CSNK2A2IP: variants seen among roughly 807,000 people sequenced by gnomAD.
CSNK2A2IP encodes casein kinase 2 subunit alpha' interacting protein.
chr3:88,441,147 A>G, the CSNK2A2IP span, among the ~76,000 whole-genome samples: 1 of 152,210 alleles, frequency 6.6e-6, no homozygotes, highest in Admixed American at 6.5e-5. Context: ...AGTAACTCCT[A>G]TTAACTAATC....
the CSNK2A2IP span, among the ~76,000 whole-genome samples, chr3:88,405,391 T>C: frequency 8.5e-5 from 13 of 152,156 alleles, no homozygotes; most frequent in Non-Finnish European, 1.6e-4. Flanking sequence ...GGATGTTTGC[T>C]ACAGGAGATC....
chr3:88,377,343 C>A, the CSNK2A2IP span, among the ~76,000 whole-genome samples: 74 of 151,826 alleles, frequency 4.9e-4, no homozygotes, highest in African/African-American at 1.7e-3. Context: ...TCTATCTTTT[C>A]TTTATTTTCA....
At chr3:88,454,723 T>A in the CSNK2A2IP span, among the ~76,000 whole-genome samples, 6 of 152,102 alleles carry the variant, frequency 3.9e-5, no homozygotes, top group Non-Finnish European at 5.9e-5. Context: ...GTATACATTG[T>A]GAAGTAATTA....
At chr3:88,355,414 T>A in the CSNK2A2IP span, among the ~76,000 whole-genome samples, 1 of 152,050 alleles carries the variant, frequency 6.6e-6, no homozygotes, top group Non-Finnish European at 1.5e-5. Flanking sequence ...TCTCCTCTGG[T>A]CTTTTGGCCA....
the CSNK2A2IP span, among the ~76,000 whole-genome samples, chr3:88,437,749 A>T: frequency 0.015 from 2,355 of 152,334 alleles, 57 homozygotes; most frequent in African/African-American, 0.052. Context: ...CAGGTGTTTT[A>T]TTCAGGAGTC....
chr3:88,348,797 G>A, the CSNK2A2IP span, among the ~76,000 whole-genome samples: 1 of 151,980 alleles, frequency 6.6e-6, no homozygotes, highest in Non-Finnish European at 1.5e-5. Context: ...ATAGTAAGAA[G>A]AATATGGACA....
At chr3:88,437,559 C>T in the CSNK2A2IP span, among the ~76,000 whole-genome samples, 2 of 152,132 alleles carry the variant, frequency 1.3e-5, no homozygotes, top group African/African-American at 4.8e-5. Flanking sequence ...AATCTGATCT[C>T]CTGTTGTATG....
chr3:88,438,734 A>G, the CSNK2A2IP span, among the ~76,000 whole-genome samples: 1 of 152,188 alleles, frequency 6.6e-6, no homozygotes. Flanking sequence ...GTAAAACTAG[A>G]CAGTGTTCCC....
the CSNK2A2IP span, among the ~76,000 whole-genome samples, chr3:88,402,533 A>G: frequency 7.0e-3 from 1,066 of 152,200 alleles, 6 homozygotes; most frequent in Middle Eastern, 0.017. Flanking sequence ...CTAAAATTGG[A>G]TATGTTTATA....
chr3:88,348,663 ATTCTTTTGTGTAAACACTCTCT>A, the CSNK2A2IP span, among the ~76,000 whole-genome samples: 1 of 152,010 alleles, frequency 6.6e-6, no homozygotes, highest in East Asian at 1.9e-4. Flanking sequence ...ACCCTTTTGT[ATTCTTTTGTGTAAACACTCTCT>A]TAATCAATAA....
the CSNK2A2IP span, among the ~76,000 whole-genome samples, chr3:88,463,750 C>A: frequency 6.6e-6 from 1 of 152,150 alleles, no homozygotes; most frequent in Admixed American, 6.6e-5. Context: ...GTGGTGATTC[C>A]TCAGGGATCT....
the CSNK2A2IP span, among the ~76,000 whole-genome samples, chr3:88,369,834 A>G: frequency 3.9e-5 from 6 of 151,948 alleles, no homozygotes; most frequent in Non-Finnish European, 4.4e-5. Context: ...GAATTCTGGC[A>G]TAAGAAGAGC....
the CSNK2A2IP span, among the ~76,000 whole-genome samples, chr3:88,367,249 A>G: frequency 1.2e-4 from 18 of 152,130 alleles, no homozygotes; most frequent in Non-Finnish European, 1.5e-5. Context: ...AGTGAAAAGA[A>G]GAGTCAAATA....
chr3:88,426,216 C>T, the CSNK2A2IP span, among the ~76,000 whole-genome samples: 56 of 152,238 alleles, frequency 3.7e-4, no homozygotes, highest in African/African-American at 1.3e-3. Context: ...TATAAGGTTA[C>T]TGGAGTATTT....
the CSNK2A2IP span, among the ~76,000 whole-genome samples, chr3:88,402,844 C>T: frequency 6.6e-6 from 1 of 152,004 alleles, no homozygotes; most frequent in African/African-American, 2.4e-5. Flanking sequence ...TCAAAAAGGA[C>T]TTTGATCAAA....
chr3:88,363,180 C>A, the CSNK2A2IP span, among the ~76,000 whole-genome samples: 1 of 152,174 alleles, frequency 6.6e-6, no homozygotes, highest in South Asian at 2.1e-4. Context: ...TCCCTACCCT[C>A]TTCAAGGCTT....
the CSNK2A2IP span, among the ~76,000 whole-genome samples, chr3:88,359,348 A>AT: frequency 0.38 from 58,009 of 150,806 alleles, 14,098 homozygotes; most frequent in South Asian, 0.6. Flanking sequence ...TATCTTTTGT[A>AT]TTTTTTTGGT....
At chr3:88,465,970 G>T in the CSNK2A2IP span, 1 of 1,231,408 alleles carries the variant, frequency 8.1e-7, no homozygotes. Flanking sequence ...ATCTTCCTTG[G>T]GACCCAAACG....
At chr3:88,377,753 T>G in the CSNK2A2IP span, among the ~76,000 whole-genome samples, 94 of 152,028 alleles carry the variant, frequency 6.2e-4, no homozygotes, top group African/African-American at 2.2e-3. Context: ...GTAAGTAATA[T>G]TCCCAAGATC....
Sources: gnomAD v4.1 joint callset for allele counts (sites outside exome capture counted in the v4.1 genomes callset) on GRCh38, gnomAD v4.1.1 for gene constraint, MANE v1.5 for transcripts, NCBI Gene and HGNC (gene_info 2026-07-23, HGNC 2026-07-21) for gene names.